PSMD3: variants seen among roughly 807,000 people sequenced by gnomAD.
PSMD3 encodes 26S proteasome non-ATPase regulatory subunit 3.
PSMD3 carries 5 observed loss-of-function variants against 62.8 expected under a neutral mutation model. The observed-to-expected ratio is 0.08, with a 90% CI of 0.04 to 0.17. The LOEUF (loss-of-function observed/expected upper bound fraction) is 0.17. PSMD3 is among the 10% of genes least tolerant of loss of function. The pLI is 1.00. For synonymous variants in PSMD3, 265 were observed against 283.9 expected (o/e 0.93, Z 0.67); for missense variants, 524 against 713.6 (o/e 0.73, Z 3.03).
rs1433149279 is a variant in PSMD3 at position 39,995,474 on chromosome 17, G to A, written c.1267G>A (p.Ala423Thr). ...SYSRISLADI[A>T]QKLQLDSPED... ...TTCCCGAATCTCCTTGGCTGACATCGCCCAGAAGCTGCAGTTGGATAGCCC... is the reference window on the plus strand; with the variant it reads ...TTCCCGAATCTCCTTGGCTGACATCACCCAGAAGCTGCAGTTGGATAGCCC... The change falls in exon 9 of 12, where the codon GCC (alanine) becomes ACC (threonine). Residue 423 changes from alanine (A) to threonine (T), a missense_variant. This residue lies in a region of PSMD3 where 76 missense variants were observed against 97.3 expected (regional missense o/e 0.78). Coordinates refer to ENST00000264639, the MANE Select transcript of PSMD3 (RefSeq NM_002809.4). The surrounding 1 kb of genome is among the most constrained non-coding windows in gnomAD (Gnocchi z 4.1). 3.7e-6 allele frequency: 6 copies of A among 1,613,916 alleles called. No individual in the cohort carries two copies. The highest frequency in any genetic ancestry group is 5.1e-6 in the Non-Finnish European group (6 of 1,179,984).
Position 39,995,393 on chromosome 17 carries a change from C to G in PSMD3, c.1217-31C>G. Reference sequence around the variant, plus strand: ...GGCAAGTGAAGGGTCTGTGTCCACTCTGCCCACCCCATCGCTCCTTCCTCT... The same window carrying G: ...GGCAAGTGAAGGGTCTGTGTCCACTGTGCCCACCCCATCGCTCCTTCCTCT... On this transcript the variant is annotated intron_variant, in intron 8 of 11. Coordinates refer to ENST00000264639, the MANE Select transcript of PSMD3 (RefSeq NM_002809.4). This position sits in a 1 kb window ranked among gnomAD's most constrained non-coding sequence, Gnocchi z 4.1. 3 of 1,611,980 alleles carry G rather than the reference C, an allele frequency of 1.9e-6. No individual in the cohort carries two copies. The highest frequency in any genetic ancestry group is 2.5e-6 in the Non-Finnish European group (3 of 1,178,086).
intron 6 of PSMD3, among the ~76,000 whole-genome samples, chr17:39,992,224 A>T (rs1168015871): frequency 6.6e-6 from 1 of 152,190 alleles, no homozygotes; most frequent in East Asian, 1.9e-4. Flanking sequence ...GTACCATGAG[A>T]GAGGCTTTCA....
At chr17:39,987,506 C>T (rs551706986) in intron 3 of PSMD3, among the ~76,000 whole-genome samples, 1 of 152,092 alleles carries the variant, frequency 6.6e-6, no homozygotes, top group Non-Finnish European at 1.5e-5. Context: ...GCCACCACGC[C>T]CAGCTAATCT....
intron 3 of PSMD3, among the ~76,000 whole-genome samples, chr17:39,988,215 C>T (rs914511434): frequency 6.6e-5 from 10 of 152,176 alleles, no homozygotes; most frequent in East Asian, 3.8e-4. Flanking sequence ...AAACACCATA[C>T]GTATTAGTAG....
chr17:39,994,602 T>C (rs1240407412), intron 6 of PSMD3: 2 of 312,560 alleles, frequency 6.4e-6, no homozygotes, highest in Non-Finnish European at 1.2e-5. Context: ...TCTCCAGGCC[T>C]GTGAGCCCTG....
At position 39,990,313 on chromosome 17, in the gene PSMD3, T is replaced by C. The variant is rs1303227364; in HGVS notation, c.981+116T>C. On this transcript the variant is annotated intron_variant, in intron 6 of 11. Coordinates refer to ENST00000264639, the MANE Select transcript of PSMD3 (RefSeq NM_002809.4). ...CCTGGGTTCAAGAAGTCCTCCCACC[T>C]CAGCTTCCCAAAGTGCTGGGATCAC... is the stretch of plus-strand genomic sequence containing the variant. 3.4e-6 allele frequency: 3 copies of C among 877,200 alleles called. No homozygotes were observed. In the East Asian group the frequency reaches 8.1e-5, roughly 24 times the overall value. The allele number at this position is 877,200 out of a possible 1,614,324, so 54.3% of individuals were successfully genotyped here. A position where few individuals can be genotyped will look rare whatever the true frequency, so the allele number is the denominator to read the frequency against.
intron 11 of PSMD3, 24 bp downstream of exon 11, chr17:39,997,404 A>C: frequency 6.2e-7 from 1 of 1,613,996 alleles, no homozygotes; most frequent in Non-Finnish European, 8.5e-7. Flanking sequence ...TTTCTGGGTG[A>C]GACCGAAAGG....
At chr17:39,987,067 A>G (rs565732364) in intron 3 of PSMD3, among the ~76,000 whole-genome samples, 1 of 152,360 alleles carries the variant, frequency 6.6e-6, no homozygotes, top group Admixed American at 6.5e-5. Flanking sequence ...GATGGGGATA[A>G]TAGTGCCTAC....
chr17:39,987,461 C>A (rs1384444791), intron 3 of PSMD3, among the ~76,000 whole-genome samples: 1 of 152,182 alleles, frequency 6.6e-6, no homozygotes, highest in Admixed American at 6.5e-5. Flanking sequence ...ATCCTTCCAC[C>A]TCAGCTTCTT....
intron 6 of PSMD3, chr17:39,994,586 T>C (rs1381924588): frequency 3.5e-6 from 1 of 283,256 alleles, no homozygotes; most frequent in African/African-American, 2.2e-5. Flanking sequence ...CTGACACACG[T>C]TCCGTTCTCC....
Position 39,980,879 on chromosome 17 carries a change from G to A in PSMD3, c.-92G>A. ...CGGCCCGACGCTATCTCGCGCTCGT[G>A]TGCAGGCCCGGCTCGGCTCCTGGTC... On this transcript the variant is annotated 5_prime_UTR_variant, in exon 1 of 12. The change creates a new upstream start codon in the 5' untranslated region. Coordinates refer to ENST00000264639, the MANE Select transcript of PSMD3 (RefSeq NM_002809.4). The A allele has an allele frequency of 8.5e-7, 1 of 1,169,954 alleles. No homozygotes were observed. Among genetic ancestry groups the A allele is most frequent in the Non-Finnish European group, 1.2e-6 (1 of 863,764 alleles). The allele number at this position is 1,169,954 out of a possible 1,614,324, so 72.5% of individuals were successfully genotyped here. A position where few individuals can be genotyped will look rare whatever the true frequency, so the allele number is the denominator to read the frequency against.
At chr17:39,990,356 C>A (rs1046869304) in intron 6 of PSMD3, among the ~76,000 whole-genome samples, 159 bp downstream of exon 6, 1 of 151,972 alleles carries the variant, frequency 6.6e-6, no homozygotes, top group Non-Finnish European at 1.5e-5. Flanking sequence ...AGCCACCATG[C>A]CTGGCCCCTT....
chr17:39,989,616 C>T, intron 4 of PSMD3, 123 bp from the exon 5 acceptor site: 1 of 949,624 alleles, frequency 1.1e-6, no homozygotes, highest in Non-Finnish European at 1.6e-6. Flanking sequence ...TAACAGTATT[C>T]AGCAAATAAC....
At chr17:39,981,562 TTGTGTC>T (rs1980386074) in intron 1 of PSMD3, among the ~76,000 whole-genome samples, 1 of 152,214 alleles carries the variant, frequency 6.6e-6, no homozygotes, top group African/African-American at 2.4e-5. Flanking sequence ...AAACCAGTGT[TTGTGTC>T]TGTGTGTAAA....
Position 39,995,608 on chromosome 17 carries a change from C to A in PSMD3, c.1320+81C>A. 7.3e-7 allele frequency: 1 copy of A among 1,373,880 alleles called. No homozygotes were observed. The highest frequency in any genetic ancestry group is 1.0e-6 in the Non-Finnish European group (1 of 968,832). The allele number at this position is 1,373,880 out of a possible 1,614,324, so 85.1% of individuals were successfully genotyped here. On this transcript the variant is annotated intron_variant, in intron 9 of 11. Transcript: ENST00000264639. This position sits in a 1 kb window ranked among gnomAD's most constrained non-coding sequence, Gnocchi z 4.1. ...GGAGGCAGGAGTGGGAGGAGTTTGG[C>A]CAAGGAGGGGAATAGGTAAAGCAAT...
chr17:39,995,206 A>G lies in PSMD3; in HGVS notation c.1127A>G (p.Asn376Ser), dbSNP rs374192363. Residue 376 changes from asparagine to serine, a missense_variant, in exon 8 of 12, where the codon AAC (asparagine) becomes AGC (serine). Transcript: ENST00000264639. The surrounding 1 kb of genome is among the most constrained non-coding windows in gnomAD (Gnocchi z 4.1). ...AGGACAGGAAACCTAGCCAAGTTCA[A>G]CCAGGTCCTGGATCAGTTTGGGGAG... ...AVRTGNLAKF[N>S]QVLDQFGEKF... The G allele has an allele frequency of 1.8e-5, 29 of 1,614,114 alleles. No individual in the cohort carries two copies. The African/African-American group carries it at 2.8e-4, about 16-fold the overall frequency.
In PSMD3 at chr17:39,995,107, C is replaced by A; in HGVS notation, c.1096+39C>A. 1 of 1,613,954 alleles carries A rather than the reference C, an allele frequency of 6.2e-7. No homozygotes were observed. Among genetic ancestry groups the A allele is most frequent in the South Asian group, 1.1e-5 (1 of 91,080 alleles). ...CCCCACCCCAGAGCCCACTAGGCCC[C>A]CTTCAGTGGGGCCTCTTACATGCCT... On this transcript the variant is annotated intron_variant, in intron 7 of 11. Coordinates refer to ENST00000264639, the MANE Select transcript of PSMD3 (RefSeq NM_002809.4). The surrounding 1 kb of genome is among the most constrained non-coding windows in gnomAD (Gnocchi z 4.1).
chr17:39,991,379 C>T (rs1980651644), intron 6 of PSMD3, among the ~76,000 whole-genome samples: 1 of 152,204 alleles, frequency 6.6e-6, no homozygotes, highest in South Asian at 2.1e-4. Flanking sequence ...TGGTCTCGAA[C>T]TCCTGACCTC....
At chr17:39,981,888 T>C (rs1980394491) in intron 1 of PSMD3, among the ~76,000 whole-genome samples, 1 of 152,224 alleles carries the variant, frequency 6.6e-6, no homozygotes, top group Non-Finnish European at 1.5e-5. Context: ...CTCCTATTTC[T>C]TTTCTCCGAG....
Sources: allele counts gnomAD v4.1 joint callset (sites outside exome capture counted in the v4.1 genomes callset), GRCh38; gene constraint gnomAD v4.1.1; regional missense constraint gnomAD v4.1.1; non-coding constraint Gnocchi (gnomAD v3.1); transcripts MANE v1.5; gene names NCBI Gene and HGNC (gene_info 2026-07-23, HGNC 2026-07-21).